VIRMA: variants seen among roughly 807,000 people sequenced by gnomAD.
The protein encoded by VIRMA is protein virilizer homolog.
A neutral mutation model predicts 182.4 loss-of-function variants in VIRMA; 65 were observed. The observed-to-expected ratio is 0.36, with a 90% CI of 0.29 to 0.44. The LOEUF is 0.44. VIRMA is among the 20% of genes least tolerant of loss of function. VIRMA has a pLI of 1.00. For missense variants in VIRMA, 1,752 were observed against 2,158.1 expected, an observed-to-expected ratio of 0.81 and a Z score of 3.73; for synonymous variants, 709 against 743.1, an observed-to-expected ratio of 0.95 and a Z score of 0.75.
Position 94,499,365 on chromosome 8 carries a change from CAT to C in VIRMA, c.4230+7_4230+8del, listed in dbSNP as rs769493758. The C allele has an allele frequency of 6.5e-7, 1 of 1,535,790 alleles. No individual in the cohort carries two copies. The highest frequency in any genetic ancestry group is 8.8e-7 in the Non-Finnish European group (1 of 1,137,060). The stretch of plus-strand genomic sequence containing the variant: ...ATATATACACAAACACAAACACACA[CAT>C]ACTTACAATTGTGTCAGAGTTAAGA... On this transcript the variant is annotated splice_region_variant and intron_variant, in intron 17 of 23. Transcript: ENST00000297591.
rs141739660 is a variant in VIRMA, at chr8:94,488,921, A to C, written c.5285-61T>G. The C allele has an allele frequency of 6.7e-4, 1,029 of 1,546,992 alleles. 15 individuals carry two copies. The East Asian group carries it at 0.022, about 32-fold the overall frequency. The stretch of plus-strand genomic sequence containing the variant: ...TCCTTTCTTTTCCAAGATTATAAAT[A>C]CTAATCTACGACACTGAGCTCAAAC... On this transcript the variant is annotated intron_variant, in intron 23 of 23. Coordinates refer to ENST00000297591, the MANE Select transcript of VIRMA (RefSeq NM_015496.5).
Position 94,543,811 on chromosome 8 carries a change from AAG to A in VIRMA, c.179+14_179+15del, listed in dbSNP as rs768585707. 22 of 1,361,338 alleles carry A rather than the reference AAG, an allele frequency of 1.6e-5. No homozygotes were observed. Among genetic ancestry groups the A allele is most frequent in the Non-Finnish European group, 2.3e-5 (22 of 972,216 alleles). The allele number at this position is 1,361,338 out of a possible 1,614,324, so 84.3% of individuals were successfully genotyped here. On this transcript the variant is annotated intron_variant, in intron 2 of 23. Transcript: ENST00000297591. ...TCTTTAACCAAAAAATACTTTTAAA[AAG>A]AGAGTTGACTTACCCATATGCTCTA...
Position 94,532,297 on chromosome 8 carries a change from A to G in VIRMA, c.485-1212T>C, listed in dbSNP as rs1183527203. ...AATTTTTGTATTTTTAGTAGACATG[A>G]GGTTTCACCATGTTGGCCAGGCTGG... is the stretch of plus-strand genomic sequence containing the variant. On this transcript the variant is annotated intron_variant, in intron 5 of 23. Coordinates refer to ENST00000297591, the MANE Select transcript of VIRMA (RefSeq NM_015496.5). 3.3e-5 allele frequency among the ~76,000 whole-genome samples: 5 copies of G among 152,072 alleles called. No homozygotes were observed. The South Asian group carries it at 1.0e-3, about 31-fold the overall frequency.
At chr8:94,547,014 C>G in intron 1 of VIRMA, 1 of 455,324 alleles carries the variant, frequency 2.2e-6, no homozygotes, top group East Asian at 7.0e-5. Flanking sequence ...TCTGCCCCAA[C>G]TCCTTTTACA....
intron 1 of VIRMA, among the ~76,000 whole-genome samples, chr8:94,549,129 G>T (rs1815883626): frequency 6.6e-6 from 1 of 152,176 alleles, no homozygotes; most frequent in African/African-American, 2.4e-5. Context: ...CAATCAAATT[G>T]TCTTTTAATA....
intron 19 of VIRMA, among the ~76,000 whole-genome samples, chr8:94,495,315 CT>C (rs1178012093): frequency 6.6e-6 from 1 of 152,066 alleles, no homozygotes; most frequent in Non-Finnish European, 1.5e-5. Flanking sequence ...TTTAGCTTAT[CT>C]TCAAGTAAAA....
chr8:94,526,132 A>C, intron 8 of VIRMA, 91 bp downstream of exon 8: 1 of 928,662 alleles, frequency 1.1e-6, no homozygotes. Flanking sequence ...TAAATAAGTT[A>C]CCTACAATCA....
chr8:94,533,614 C>CTTTT (rs60590655), intron 5 of VIRMA: 8 of 119,510 alleles, frequency 6.7e-5, no homozygotes, highest in East Asian at 2.8e-4. Context: ...CTAATTCTTT[C>CTTTT]TTTTTTTTTT....
At chr8:94,526,145 TA>T in intron 8 of VIRMA, 77 bp downstream of exon 8, 1 of 1,193,730 alleles carries the variant, frequency 8.4e-7, no homozygotes, top group Non-Finnish European at 1.2e-6. Context: ...TACAATCAGA[TA>T]AAAAGCAAAA....
chr8:94,537,327 T>A (rs138976092), intron 3 of VIRMA, among the ~76,000 whole-genome samples, 176 bp from the exon 4 acceptor site: 1 of 152,130 alleles, frequency 6.6e-6, no homozygotes, highest in Non-Finnish European at 1.5e-5. Flanking sequence ...TTAAAAAAAA[T>A]CAATCCCAGA....
chr8:94,529,259 C>T lies in VIRMA; in HGVS notation c.691G>A (p.Glu231Lys). The T allele has an allele frequency of 6.2e-7, 1 of 1,611,202 alleles. No homozygotes were observed. Among genetic ancestry groups the T allele is most frequent in the Non-Finnish European group, 8.5e-7 (1 of 1,177,376 alleles). ...TCTCCTTCATCAGAATATTGCCCTTCCTGGGGAACAGAATTCCGATCAGGA... is the reference window on the plus strand; with the variant it reads ...TCTCCTTCATCAGAATATTGCCCTTTCTGGGGAACAGAATTCCGATCAGGA... ...ISPDRNSVPQ[E>K]GQYSDEGEVE... The change falls in exon 7 of 24, where the codon GAA becomes AAA. Residue 231 changes from glutamate to lysine, a missense_variant. Around this residue, in one of 11 missense-constraint regions of VIRMA, gnomAD observed 114 missense variants for 106.9 expected, o/e 1.07. Coordinates refer to ENST00000297591, the MANE Select transcript of VIRMA (RefSeq NM_015496.5).
rs1252892239 is a variant in VIRMA at position 94,496,665 on chromosome 8, A to T, written c.4231-185T>A. 1.3e-5 allele frequency: 6 copies of T among 459,660 alleles called. No homozygotes were observed. In the Admixed American group the frequency reaches 1.7e-4, roughly 13 times the overall value. The allele number at this position is 459,660 out of a possible 1,614,324, so 28.5% of individuals were successfully genotyped here. On this transcript the variant is annotated intron_variant, in intron 17 of 23. Transcript: ENST00000297591. ...GTGAAGTATGTTTTCTTTGAGTAAG[A>T]CTCACAAAATATTTAAATAAGCAAA...
At chr8:94,495,069 C>G in intron 19 of VIRMA, 113 bp from the exon 20 acceptor site, 2 of 730,938 alleles carry the variant, frequency 2.7e-6, no homozygotes, top group South Asian at 1.5e-5. Flanking sequence ...GGCACGATCA[C>G]AGTTCACTGC....
At chr8:94,501,046 C>T (rs919101051) in intron 16 of VIRMA, among the ~76,000 whole-genome samples, 1 of 151,730 alleles carries the variant, frequency 6.6e-6, no homozygotes, top group African/African-American at 2.4e-5. Context: ...GAGTTCGAGA[C>T]CAGCCTGGCC....
chr8:94,546,946 T>C (rs894174666), intron 1 of VIRMA: 4 of 455,576 alleles, frequency 8.8e-6, no homozygotes, highest in Non-Finnish European at 1.8e-5. Context: ...TACCATGCTT[T>C]TCTCATTTTT....
At chr8:94,541,486 A>G (rs1277719768) in intron 2 of VIRMA, among the ~76,000 whole-genome samples, 1 of 152,194 alleles carries the variant, frequency 6.6e-6, no homozygotes, top group Non-Finnish European at 1.5e-5. Flanking sequence ...AAGTATGCCC[A>G]CAAATATCAC....
intron 8 of VIRMA, among the ~76,000 whole-genome samples, chr8:94,522,606 T>C (rs1482170439): frequency 1.3e-5 from 2 of 152,186 alleles, no homozygotes; most frequent in African/African-American, 4.8e-5. Context: ...GCTAGAAATC[T>C]CTAGCTTCTT....
At chr8:94,533,419 C>A (rs1446184960) in intron 5 of VIRMA, among the ~76,000 whole-genome samples, 2 of 151,906 alleles carry the variant, frequency 1.3e-5, no homozygotes, top group South Asian at 4.1e-4. Flanking sequence ...ATTCTTGAAA[C>A]TCCTTTTATT....
At chr8:94,541,803 T>C (rs1157141936) in intron 2 of VIRMA, among the ~76,000 whole-genome samples, 1 of 152,138 alleles carries the variant, frequency 6.6e-6, no homozygotes. Context: ...CAGCTTCCCA[T>C]AGTGCTAGGA....
Sources: allele counts gnomAD v4.1 joint callset (sites outside exome capture counted in the v4.1 genomes callset), GRCh38; gene constraint gnomAD v4.1.1; regional missense constraint gnomAD v4.1.1; transcripts MANE v1.5; gene names NCBI Gene and HGNC (gene_info 2026-07-23, HGNC 2026-07-21).